The following ADGRL2 variants were observed in gnomAD, a reference collection of about 807,000 sequenced individuals.
ADGRL2 encodes adhesion G protein-coupled receptor L2.
In ADGRL2, 44 loss-of-function variants were observed where a neutral mutation model predicts 157.4. That is an observed-to-expected ratio of 0.28 (90% CI 0.22 to 0.36). The LOEUF (loss-of-function observed/expected upper bound fraction) is 0.36, where lower values mean the gene tolerates loss of function less well. Ranked by LOEUF, ADGRL2 falls within the 10% of genes least tolerant of loss-of-function variation. The pLI is 1.00. For missense variants in ADGRL2, 1,510 were observed against 1,768.9 expected (o/e 0.85, Z 2.63); for synonymous variants, 585 against 624.7 (o/e 0.94, Z 0.95).
intron 3 of ADGRL2, among the ~76,000 whole-genome samples, chr1:81,623,649 T>TTTG (rs1211278355): frequency 2.7e-5 from 4 of 150,008 alleles, no homozygotes; most frequent in African/African-American, 9.9e-5. Context: ...TTTTTTTTTT[T>TTTG]TTTTTGAGAC....
At chr1:81,686,837 T>C (rs772980428) in intron 3 of ADGRL2, among the ~76,000 whole-genome samples, 9 of 152,208 alleles carry the variant, frequency 5.9e-5, no homozygotes, top group Non-Finnish European at 7.4e-5. Flanking sequence ...AGTTGTATCA[T>C]AATTGTCATT....
chr1:81,709,147 T>C (rs373375339), intron 1 of ADGRL2, among the ~76,000 whole-genome samples: 1 of 152,170 alleles, frequency 6.6e-6, no homozygotes, highest in African/African-American at 2.4e-5. Context: ...ATACTACTGA[T>C]TGAACAAGTT....
chr1:81,950,510 A>AT, intron 7 of ADGRL2, 28 bp downstream of exon 7: 1 of 1,578,788 alleles, frequency 6.3e-7, no homozygotes, highest in Admixed American at 1.8e-5. Flanking sequence ...CCATGCATAC[A>AT]TTTTTCAATT....
At chr1:81,782,733 T>C (rs938501367) in intron 2 of ADGRL2, among the ~76,000 whole-genome samples, 3 of 152,322 alleles carry the variant, frequency 2.0e-5, no homozygotes, top group East Asian at 1.9e-4. Flanking sequence ...AGAATGAGCA[T>C]TGGAAGTCGG....
rs561320040 is a variant in ADGRL2, at chr1:81,801,704, C to G, written c.-101+636C>G. 5.8e-4 allele frequency among the ~76,000 whole-genome samples: 88 copies of G among 152,278 alleles called. 3 individuals are homozygous for G. In the South Asian group the frequency reaches 0.015, roughly 25 times the overall value. On this transcript the variant is annotated intron_variant, in intron 1 of 23. Transcript: ENST00000686636. ...CCCGCCCCAGGCCGCAGGGTCGGCG[C>G]GAGGGATGCTATTCCGGCCGGGCGC...
chr1:81,674,410 T>C (rs1238864154), intron 3 of ADGRL2, among the ~76,000 whole-genome samples: 3 of 152,194 alleles, frequency 2.0e-5, no homozygotes, highest in Non-Finnish European at 2.9e-5. Context: ...TGCCAGTGCA[T>C]GGTGCTGTGG....
chr1:81,357,002 G>C (rs1663365708), intron 1 of ADGRL2, among the ~76,000 whole-genome samples: 1 of 120,514 alleles, frequency 8.3e-6, no homozygotes, highest in Non-Finnish European at 1.8e-5. Flanking sequence ...AGCTCATTAA[G>C]AATCACACAT....
At chr1:81,942,185 A>G (rs898233331) in intron 5 of ADGRL2, 140 bp downstream of exon 5, 61 of 456,454 alleles carry the variant, frequency 1.3e-4, no homozygotes, top group Middle Eastern at 3.0e-4. Context: ...AAGGAAGTCA[A>G]CTGTTTACAA....
At chr1:81,843,434 A>G (rs1254423891) in intron 2 of ADGRL2, among the ~76,000 whole-genome samples, 2 of 152,184 alleles carry the variant, frequency 1.3e-5, no homozygotes, top group Non-Finnish European at 2.9e-5. Context: ...CCCGGCCAAA[A>G]AAATGATTTT....
chr1:81,587,781 A>G (rs1018069711), intron 3 of ADGRL2, among the ~76,000 whole-genome samples: 1 of 152,136 alleles, frequency 6.6e-6, no homozygotes, highest in African/African-American at 2.4e-5. Flanking sequence ...AGTTATAGAG[A>G]GATTGAGAAT....
chr1:81,365,084 C>T (rs1371703213), intron 1 of ADGRL2, among the ~76,000 whole-genome samples: 2 of 152,182 alleles, frequency 1.3e-5, no homozygotes, highest in Non-Finnish European at 2.9e-5. Flanking sequence ...CGCCCTGAGG[C>T]TGGAGTTCAA....
chr1:81,652,295 A>C (rs2082438081), intron 3 of ADGRL2, among the ~76,000 whole-genome samples: 1 of 152,156 alleles, frequency 6.6e-6, no homozygotes, highest in Non-Finnish European at 1.5e-5. Context: ...ATCCTTATAA[A>C]TGTTAAGTCC....
intron 2 of ADGRL2, among the ~76,000 whole-genome samples, chr1:81,885,537 C>A (rs537000945): frequency 6.6e-6 from 1 of 152,124 alleles, no homozygotes; most frequent in East Asian, 1.9e-4. Flanking sequence ...AAAGGAAAGG[C>A]CTTTAATTCA....
chr1:81,577,073 T>C (rs1207450968), intron 2 of ADGRL2, among the ~76,000 whole-genome samples: 1 of 152,184 alleles, frequency 6.6e-6, no homozygotes, highest in Non-Finnish European at 1.5e-5. Flanking sequence ...TCTGATTCTA[T>C]TACTGTCCCT....
intron 2 of ADGRL2, among the ~76,000 whole-genome samples, chr1:81,877,296 C>A (rs1337948816): frequency 1.3e-5 from 2 of 152,078 alleles, no homozygotes; most frequent in African/African-American, 2.4e-5. Flanking sequence ...CTGAATAAGT[C>A]TGAATCATAG....
chr1:81,353,783 C>T (rs1173655638), intron 1 of ADGRL2, among the ~76,000 whole-genome samples: 1 of 152,092 alleles, frequency 6.6e-6, no homozygotes, highest in Non-Finnish European at 1.5e-5. Context: ...GTGAACGTGT[C>T]AAGGATGCTA....
chr1:81,725,529 ACT>A, intron 1 of ADGRL2, among the ~76,000 whole-genome samples: 1 of 151,622 alleles, frequency 6.6e-6, no homozygotes, highest in Non-Finnish European at 1.5e-5. Context: ...ACACTGTGAG[ACT>A]CTGTCTCAAA....
intron 2 of ADGRL2, among the ~76,000 whole-genome samples, chr1:81,839,859 A>T (rs2092471239): frequency 7.2e-6 from 1 of 139,668 alleles, no homozygotes; most frequent in Non-Finnish European, 1.6e-5. Flanking sequence ...TCATATATAT[A>T]TATATTTTCC....
At chr1:81,318,937 T>C (rs1660300660) in intron 1 of ADGRL2, among the ~76,000 whole-genome samples, 1 of 120,196 alleles carries the variant, frequency 8.3e-6, no homozygotes, top group Non-Finnish European at 1.7e-5. Flanking sequence ...TCTTTTTTTT[T>C]TTTTTTTTTT....
Sources: gnomAD v4.1 joint callset for allele counts (sites outside exome capture counted in the v4.1 genomes callset) on GRCh38, gnomAD v4.1.1 for gene constraint, MANE v1.5 for transcripts, NCBI Gene and HGNC (gene_info 2026-07-23, HGNC 2026-07-21) for gene names.